VPS41: variants seen among roughly 807,000 people sequenced by gnomAD.
VPS41 encodes vacuolar protein sorting-associated protein 41 homolog.
VPS41 carries 85 observed loss-of-function variants against 130.9 expected under a neutral mutation model. That is an observed-to-expected ratio of 0.65 (90% CI 0.55 to 0.78). The LOEUF is 0.78. Among genes scored for constraint, VPS41 ranks in the 30% least tolerant of loss-of-function variants. The pLI, the probability that VPS41 is intolerant of heterozygous loss-of-function variation, is 0.00. For synonymous variants in VPS41, 335 were observed against 332.9 expected (o/e 1.01, Z -0.07); for missense variants, 874 against 1,018.7 (o/e 0.86, Z 1.93).
At position 38,756,992 on chromosome 7, in the gene VPS41, CA is replaced by C. The variant is rs781761363; in HGVS notation, c.1551-11del. ...CTTGTCATAGGTGTACCTGGTAATACAAATTTTTTACATTAATATTCATCAA... is the reference window on the plus strand; with the variant it reads ...CTTGTCATAGGTGTACCTGGTAATACAATTTTTTACATTAATATTCATCAA... On this transcript the variant is annotated splice_polypyrimidine_tract_variant and intron_variant, in intron 18 of 28. Coordinates refer to ENST00000310301, the MANE Select transcript of VPS41 (RefSeq NM_014396.4). 1.3e-6 allele frequency: 2 copies of C among 1,573,898 alleles called. No individual in the cohort carries two copies. Among genetic ancestry groups the C allele is most frequent in the Non-Finnish European group, 1.7e-6 (2 of 1,148,266 alleles).
intron 25 of VPS41, among the ~76,000 whole-genome samples, chr7:38,741,647 C>T (rs1023858469): frequency 6.6e-6 from 1 of 152,194 alleles, no homozygotes. Flanking sequence ...GTGGCCCGAT[C>T]TAATGGCCAC....
At chr7:38,906,009 T>C (rs1188276985) in intron 1 of VPS41, among the ~76,000 whole-genome samples, 2 of 151,994 alleles carry the variant, frequency 1.3e-5, no homozygotes, top group Non-Finnish European at 2.9e-5. Context: ...TTGGCCCGTC[T>C]GGTCTCGAAC....
At chr7:38,895,204 C>T (rs1376353288) in intron 2 of VPS41, among the ~76,000 whole-genome samples, 1 of 152,132 alleles carries the variant, frequency 6.6e-6, no homozygotes, top group Non-Finnish European at 1.5e-5. Context: ...CACCTGTAAT[C>T]ACAGCTACTC....
rs564545955 is a variant in VPS41 at position 38,848,964 on chromosome 7, G to A, written c.246+13581C>T. On this transcript the variant is annotated intron_variant, in intron 4 of 28. Coordinates refer to ENST00000310301, the MANE Select transcript of VPS41 (RefSeq NM_014396.4). Reference sequence around the variant, plus strand: ...CAGTAGGTTCAAGGGACTCATTTTCGTGTAATTTTTTTTCTGGCAAGGTAA... The same window carrying A: ...CAGTAGGTTCAAGGGACTCATTTTCATGTAATTTTTTTTCTGGCAAGGTAA... 5.2e-4 allele frequency among the ~76,000 whole-genome samples: 79 copies of A among 152,162 alleles called. 2 individuals carry two copies. The South Asian group carries it at 0.015, about 29-fold the overall frequency.
At chr7:38,888,353 GA>G (rs1399591241) in intron 2 of VPS41, among the ~76,000 whole-genome samples, 11 of 151,262 alleles carry the variant, frequency 7.3e-5, no homozygotes, top group Non-Finnish European at 1.5e-4. Context: ...AATGAAAAGT[GA>G]AAAAAAAGCA....
intron 17 of VPS41, among the ~76,000 whole-genome samples, chr7:38,762,831 A>G (rs2115776803): frequency 6.6e-6 from 1 of 152,314 alleles, no homozygotes. Flanking sequence ...CATACATCCT[A>G]AAACATTCAG....
chr7:38,743,085 AACC>A lies in VPS41; in HGVS notation c.2122+314_2122+316del, dbSNP rs908749489. 1.5e-4 allele frequency among the ~76,000 whole-genome samples: 5 copies of A among 32,974 alleles called. No individual in the cohort carries two copies. In the Admixed American group the frequency reaches 2.1e-3, roughly 14 times the overall value. 21.6% of individuals were successfully genotyped at this position (32,974 alleles called of 152,430 possible). A position where few individuals can be genotyped will look rare whatever the true frequency, so the allele number is the denominator to read the frequency against. On this transcript the variant is annotated intron_variant, in intron 24 of 28. Coordinates refer to ENST00000310301, the MANE Select transcript of VPS41 (RefSeq NM_014396.4). ...CATATACAAGCTAAAAACAAAAAAAAACCACACCAACACAACCCAGATGACATT... is the reference window on the plus strand; with the variant it reads ...CATATACAAGCTAAAAACAAAAAAAAACACCAACACAACCCAGATGACATT...
chr7:38,748,981 A>T (rs1174176118), intron 22 of VPS41, among the ~76,000 whole-genome samples: 2 of 152,220 alleles, frequency 1.3e-5, no homozygotes, highest in African/African-American at 4.8e-5. Context: ...ATGAAGGCAC[A>T]ACATACATTA....
chr7:38,747,621 G>C (rs1796012488), intron 22 of VPS41, among the ~76,000 whole-genome samples: 1 of 152,168 alleles, frequency 6.6e-6, no homozygotes, highest in Non-Finnish European at 1.5e-5. Context: ...AACCACAAAA[G>C]AGTTTGCAGT....
chr7:38,819,532 A>AT (rs1444665406), intron 6 of VPS41, among the ~76,000 whole-genome samples: 1 of 152,270 alleles, frequency 6.6e-6, no homozygotes, highest in African/African-American at 2.4e-5. Flanking sequence ...TCCTTCATGT[A>AT]TAGTGACCCT....
intron 1 of VPS41, 95 bp from the exon 2 acceptor site, chr7:38,898,224 T>G (rs1235717714): frequency 9.6e-7 from 1 of 1,039,720 alleles, no homozygotes; most frequent in Non-Finnish European, 1.5e-6. Context: ...CTACCACGCA[T>G]CTGCCCTTTT....
At chr7:38,839,345 T>C (rs1785559840) in intron 4 of VPS41, among the ~76,000 whole-genome samples, 1 of 152,256 alleles carries the variant, frequency 6.6e-6, no homozygotes, top group Admixed American at 6.5e-5. Flanking sequence ...AGGTTTTCTA[T>C]ACATCTACAA....
intron 16 of VPS41, among the ~76,000 whole-genome samples, chr7:38,764,222 G>C (rs1409272959): frequency 6.6e-6 from 1 of 152,180 alleles, no homozygotes; most frequent in East Asian, 1.9e-4. Context: ...AGCAGCAGAG[G>C]AGAACCATGC....
chr7:38,812,808 A>G (rs180835672), intron 7 of VPS41, among the ~76,000 whole-genome samples: 38 of 152,328 alleles, frequency 2.5e-4, no homozygotes, highest in Admixed American at 2.2e-3. Context: ...ATCAGTCATT[A>G]GAAGAAAGTC....
chr7:38,862,313 A>G (rs1243136654), intron 4 of VPS41, among the ~76,000 whole-genome samples: 1 of 152,206 alleles, frequency 6.6e-6, no homozygotes, highest in African/African-American at 2.4e-5. Flanking sequence ...GTTTGCATAT[A>G]AAAGATACCC....
intron 7 of VPS41, among the ~76,000 whole-genome samples, chr7:38,813,306 A>C (rs1167522975): frequency 1.3e-5 from 2 of 152,194 alleles, no homozygotes; most frequent in Non-Finnish European, 1.5e-5. Context: ...AATATCCAGA[A>C]TAGGAAAACT....
intron 5 of VPS41, among the ~76,000 whole-genome samples, chr7:38,826,775 T>G (rs1198008933): frequency 6.6e-6 from 1 of 152,176 alleles, no homozygotes; most frequent in African/African-American, 2.4e-5. Flanking sequence ...TGACACTCTA[T>G]GGCATATAAA....
At chr7:38,746,664 T>C (rs2115668187) in intron 22 of VPS41, among the ~76,000 whole-genome samples, 1 of 152,266 alleles carries the variant, frequency 6.6e-6, no homozygotes, top group South Asian at 2.1e-4. Flanking sequence ...TGAGTGCACC[T>C]GGGAAACCTT....
At chr7:38,872,392 A>C (rs1786387171) in intron 2 of VPS41, among the ~76,000 whole-genome samples, 1 of 152,228 alleles carries the variant, frequency 6.6e-6, no homozygotes. Context: ...GTCATGATTC[A>C]GTGTGGGAGG....
Sources: allele counts gnomAD v4.1 joint callset (sites outside exome capture counted in the v4.1 genomes callset), GRCh38; gene constraint gnomAD v4.1.1; transcripts MANE v1.5; gene names NCBI Gene and HGNC (gene_info 2026-07-23, HGNC 2026-07-21).